PRDM2: variants seen among roughly 807,000 people sequenced by gnomAD.
PRDM2 encodes PR/SET domain 2, also known as PR domain zinc finger protein 2.
A neutral mutation model predicts 130.0 loss-of-function variants in PRDM2; 30 were observed. That is an observed-to-expected ratio of 0.23 (90% CI 0.17 to 0.31). The LOEUF is 0.31. Among genes scored for constraint, PRDM2 ranks in the 10% least tolerant of loss-of-function variants. The probability of loss-of-function intolerance (pLI) is 1.00; values close to 1 mark genes in which losing one functional copy is unlikely to be tolerated. For synonymous variants in PRDM2, 871 were observed against 782.4 expected (o/e 1.11, Z -1.89); for missense variants, 2,011 against 2,108.4 (o/e 0.95, Z 0.90).
At position 13,824,053 on chromosome 1, in the gene PRDM2, A is replaced by T. The variant is rs974188998; in HGVS notation, c.*918A>T. On this transcript the variant is annotated 3_prime_UTR_variant, in exon 10 of 10. Coordinates refer to ENST00000311066, the MANE Select transcript of PRDM2 (RefSeq NM_001393986.1). ...TGGGAAGATTAAAAAGCACAGGGGGAAGAAGAAGAGATTTCGGAGGCCATC... is the reference window on the plus strand; with the variant it reads ...TGGGAAGATTAAAAAGCACAGGGGGTAGAAGAAGAGATTTCGGAGGCCATC... 1.3e-5 allele frequency: 2 copies of T among 152,560 alleles called. No homozygotes were observed. The highest frequency in any genetic ancestry group is 2.9e-5 in the Non-Finnish European group (2 of 68,038). 9.5% of individuals were successfully genotyped at this position (152,560 alleles called of 1,614,324 possible).
chr1:13,708,893 C>T (rs898955897), intron 1 of PRDM2, among the ~76,000 whole-genome samples: 2 of 152,128 alleles, frequency 1.3e-5, no homozygotes, highest in Non-Finnish European at 2.9e-5. Flanking sequence ...ATAGAATCTC[C>T]TTATTCTTAA....
In PRDM2 at chr1:13,757,700, T is replaced by C. The variant is rs148651066; in HGVS notation, c.511+8213T>C. ...ATATAATTGAGTTACATCATGCTTG[T>C]TAGTCTTTTCAGCTTTAGGTGGTGA... On this transcript the variant is annotated intron_variant, in intron 6 of 9. Coordinates refer to ENST00000311066, the MANE Select transcript of PRDM2 (RefSeq NM_001393986.1). Among the ~76,000 whole-genome samples the C allele has an allele frequency of 4.4e-3, 671 of 152,314 alleles. 7 individuals carry two copies. The highest frequency in any genetic ancestry group is 0.016 in the African/African-American group (647 of 41,572).
intron 8 of PRDM2, among the ~76,000 whole-genome samples, chr1:13,796,169 G>T (rs981631541): frequency 6.6e-6 from 1 of 152,192 alleles, no homozygotes; most frequent in African/African-American, 2.4e-5. Context: ...GCATATAGGA[G>T]ATCCTGACCC....
At chr1:13,807,226 T>C (rs1645098662) in intron 8 of PRDM2, among the ~76,000 whole-genome samples, 2 of 152,212 alleles carry the variant, frequency 1.3e-5, no homozygotes, top group African/African-American at 4.8e-5. Context: ...TGTAAAACTA[T>C]GCTATATGTA....
intron 8 of PRDM2, among the ~76,000 whole-genome samples, chr1:13,809,042 G>A (rs539344010): frequency 1.1e-3 from 168 of 152,372 alleles, no homozygotes; most frequent in African/African-American, 3.9e-3. Flanking sequence ...GCCTCTCTGG[G>A]TGAATCTAGT....
At chr1:13,815,105 G>C (rs891844424) in intron 8 of PRDM2, among the ~76,000 whole-genome samples, 5 of 152,098 alleles carry the variant, frequency 3.3e-5, no homozygotes, top group African/African-American at 1.2e-4. Flanking sequence ...ATGTTTGTTT[G>C]TTTGTTTATT....
intron 2 of PRDM2, among the ~76,000 whole-genome samples, chr1:13,723,208 C>T (rs1459450774): frequency 6.6e-6 from 1 of 152,202 alleles, no homozygotes; most frequent in Non-Finnish European, 1.5e-5. Flanking sequence ...GTGACATCTT[C>T]TCTGAGAGGC....
chr1:13,742,925 G>A (rs1643490406), intron 5 of PRDM2, among the ~76,000 whole-genome samples: 1 of 152,056 alleles, frequency 6.6e-6, no homozygotes, highest in Non-Finnish European at 1.5e-5. Flanking sequence ...CTTCCTTTCT[G>A]CCAAATTTTT....
chr1:13,767,555 C>T (rs116031152), intron 6 of PRDM2, among the ~76,000 whole-genome samples: 1,562 of 151,916 alleles, frequency 0.01, 9 homozygotes, highest in Middle Eastern at 0.024. Flanking sequence ...ATCTGCCTAC[C>T]TTGGCCTCCC....
chr1:13,712,881 T>C (rs1260338076), intron 1 of PRDM2, among the ~76,000 whole-genome samples: 1 of 152,230 alleles, frequency 6.6e-6, no homozygotes, highest in South Asian at 2.1e-4. Context: ...GTCTCTTGGT[T>C]AGACTGGGCA....
chr1:13,765,259 T>C (rs899852102), intron 6 of PRDM2, among the ~76,000 whole-genome samples: 3 of 152,248 alleles, frequency 2.0e-5, no homozygotes, highest in African/African-American at 7.2e-5. Context: ...AGTCATTCTC[T>C]TACATTAAAG....
chr1:13,793,836 C>G (rs80100440), intron 8 of PRDM2, among the ~76,000 whole-genome samples: 1 of 147,052 alleles, frequency 6.8e-6, no homozygotes, highest in South Asian at 2.1e-4. Context: ...AAAGATATCG[C>G]AAAAAAAAAA....
chr1:13,745,749 A>G (rs1340922065), intron 5 of PRDM2, among the ~76,000 whole-genome samples: 2 of 152,152 alleles, frequency 1.3e-5, no homozygotes, highest in East Asian at 3.9e-4. Flanking sequence ...TTTTAAAGGA[A>G]TAGAACAAAA....
intron 2 of PRDM2, among the ~76,000 whole-genome samples, chr1:13,729,037 A>G (rs1448746456): frequency 6.6e-6 from 1 of 152,210 alleles, no homozygotes; most frequent in Admixed American, 6.5e-5. Context: ...CTCGAATCAG[A>G]CAGATATTCA....
rs779447694 is a variant in PRDM2 at position 13,779,867 on chromosome 1, T to C, written c.2072T>C (p.Leu691Pro). ...AAAAGTGTTTATTTGTCATCAAAGC[T>C]CAAACAACTTCTTCAAACCCAAGAT... ...KEKSVYLSSK[L>P]KQLLQTQDKL... is the part of the protein sequence containing the mutation. The change falls in exon 8 of 10, where the codon CTC becomes CCC. Residue 691 changes from leucine to proline, a missense_variant. Around this residue, in one of 5 missense-constraint regions of PRDM2, gnomAD observed 1,288 missense variants for 1,237.7 expected, o/e 1.04. Transcript: ENST00000311066. The surrounding 1 kb of genome is among the most constrained non-coding windows in gnomAD (Gnocchi z 4.9). 2 of 1,611,902 alleles carry C rather than the reference T, an allele frequency of 1.2e-6. No individual in the cohort carries two copies. The highest frequency in any genetic ancestry group is 1.7e-5 in the Admixed American group (1 of 59,636).
intron 8 of PRDM2, among the ~76,000 whole-genome samples, chr1:13,790,161 T>C (rs1644816320): frequency 6.6e-6 from 1 of 152,204 alleles, no homozygotes; most frequent in Admixed American, 6.5e-5. Context: ...GGGTAATATG[T>C]ACTTTAAAGA....
At chr1:13,794,212 G>A (rs1470744244) in intron 8 of PRDM2, among the ~76,000 whole-genome samples, 3 of 152,194 alleles carry the variant, frequency 2.0e-5, no homozygotes, top group African/African-American at 7.2e-5. Context: ...GACCTGGAAG[G>A]CTGATCAGCT....
intron 9 of PRDM2, 25 bp downstream of exon 9, chr1:13,816,595 C>G: frequency 6.2e-7 from 1 of 1,612,754 alleles, no homozygotes; most frequent in Non-Finnish European, 8.5e-7. Context: ...GGAACAGCTT[C>G]TGGCACTGTT....
rs775616764 is a variant in PRDM2, at chr1:13,782,653, G to C, written c.4858G>C (p.Ala1620Pro). The C allele has an allele frequency of 9.9e-6, 16 of 1,614,036 alleles. No homozygotes were observed. The highest frequency in any genetic ancestry group is 1.2e-5 in the Non-Finnish European group (14 of 1,180,048). Residue 1620 changes from alanine to proline, a missense_variant, in exon 8 of 10, where the codon GCT becomes CCT. Ala to Pro is a conservative substitution (Grantham distance 27). This residue lies in a region of PRDM2 where 410 missense variants were observed against 395.9 expected (regional missense o/e 1.04). Coordinates refer to ENST00000311066, the MANE Select transcript of PRDM2 (RefSeq NM_001393986.1). Reference protein sequence around the residue: ...SLHVRVQKSKAVLQSKSTLAS... With the variant: ...SLHVRVQKSKPVLQSKSTLAS... Reference sequence around the variant, plus strand: ...GCACGTGAGGGTACAGAAAAGCAAAGCTGTTTTACAAAGCAAATCCACCTT... The same window carrying C: ...GCACGTGAGGGTACAGAAAAGCAAACCTGTTTTACAAAGCAAATCCACCTT...
Sources: allele counts gnomAD v4.1 joint callset (sites outside exome capture counted in the v4.1 genomes callset), GRCh38; gene constraint gnomAD v4.1.1; regional missense constraint gnomAD v4.1.1; non-coding constraint Gnocchi (gnomAD v3.1); transcripts MANE v1.5; gene names NCBI Gene and HGNC (gene_info 2026-07-23, HGNC 2026-07-21).